Variants in OR1L8 observed in about 807,000 individuals in gnomAD.
OR1L8 encodes the protein olfactory receptor family 1 subfamily L member 8.
For synonymous variants in OR1L8, 148 were observed against 147.0 expected, an observed-to-expected ratio of 1.01 and a Z score of -0.05; for missense variants, 330 against 377.4, an observed-to-expected ratio of 0.87 and a Z score of 1.04.
At chr9:122,562,577 T>A (rs1456229507), downstream of OR1L8, among the ~76,000 whole-genome samples, 1 of 152,138 alleles carries the variant, frequency 6.6e-6, no homozygotes, top group Non-Finnish European at 1.5e-5. Flanking sequence ...TCCCCTGCCC[T>A]GTGTGGCTCT....
Position 122,568,287 on chromosome 9 carries a change from A to T in OR1L8, c.191T>A (p.Leu64Ter). 6.2e-7 allele frequency: 1 copy of T among 1,614,118 alleles called. No individual in the cohort carries two copies. Among genetic ancestry groups the T allele is most frequent in the Non-Finnish European group, 8.5e-7 (1 of 1,179,990 alleles). Residue 64 changes from leucine (L) to a stop codon, truncating the protein, a stop_gained, in exon 5 of 5, where the codon TTG becomes TAG. Transcript: ENST00000641027. LOFTEE classifies it low-confidence loss of function (END_TRUNC). The part of the protein sequence containing the change: ...PHLQTPMYFF[L>*]SFLSLTDICF... ...AATATCAGTGAGAGACAGAAAACTC[A>T]AGAAGAAATACATAGGGGTCTGAAG...
At chr9:122,566,573 T>C (rs1257528937), downstream of OR1L8, among the ~76,000 whole-genome samples, 2 of 152,212 alleles carry the variant, frequency 1.3e-5, no homozygotes, top group Non-Finnish European at 2.9e-5. Flanking sequence ...AGTTACACTT[T>C]ATGGAATTAG....
downstream of OR1L8, among the ~76,000 whole-genome samples, chr9:122,566,198 G>A (rs1301228808): frequency 1.3e-5 from 2 of 152,182 alleles, no homozygotes; most frequent in African/African-American, 2.4e-5. Context: ...TGCCAAAATC[G>A]TGTTTTTAGA....
At chr9:122,562,809 C>T (rs1396888765), downstream of OR1L8, among the ~76,000 whole-genome samples, 1 of 151,928 alleles carries the variant, frequency 6.6e-6, no homozygotes, top group South Asian at 2.1e-4. Context: ...AACATAATGT[C>T]GACTAGGTTC....
chr9:122,549,617 G>A, the OR1L8 span, among the ~76,000 whole-genome samples: 1 of 152,102 alleles, frequency 6.6e-6, no homozygotes, highest in African/African-American at 2.4e-5. Context: ...GTTGAATAGG[G>A]TGTCTTTTCC....
At chr9:122,563,261 G>T (rs1042920649), downstream of OR1L8, among the ~76,000 whole-genome samples, 2 of 150,934 alleles carry the variant, frequency 1.3e-5, no homozygotes, top group Admixed American at 1.3e-4. Context: ...TAAAAAGTTT[G>T]TTTTTATTTT....
At chr9:122,550,542 A>C in the OR1L8 span, among the ~76,000 whole-genome samples, 1 of 147,750 alleles carries the variant, frequency 6.8e-6, no homozygotes, top group Non-Finnish European at 1.5e-5. Flanking sequence ...CAAAAAGATA[A>C]TACACCATGA....
rs887610239 is a variant in OR1L8, at chr9:122,567,613, T to C, written c.865A>G (p.Ile289Val). 1 of 1,613,252 alleles carries C rather than the reference T, an allele frequency of 6.2e-7. No homozygotes were observed. The highest frequency in any genetic ancestry group is 8.5e-7 in the Non-Finnish European group (1 of 1,179,760). Residue 289 changes from isoleucine (I) to valine (V), a missense_variant, in exon 5 of 5, where the codon ATC becomes GTC. Transcript: ENST00000641027. ...TVLSSMLNPFIYSLRNKDLKQ... is the reference protein window; with the variant it reads ...TVLSSMLNPFVYSLRNKDLKQ... ...AGGTCTTTGTTTCTCAGGCTGTAGATAAAAGGATTGAGCATGGATGACAAA... is the reference window on the plus strand; with the variant it reads ...AGGTCTTTGTTTCTCAGGCTGTAGACAAAAGGATTGAGCATGGATGACAAA...
chr9:122,566,927 C>T (rs1829436902), downstream of OR1L8, among the ~76,000 whole-genome samples: 1 of 151,846 alleles, frequency 6.6e-6, no homozygotes, highest in Non-Finnish European at 1.5e-5. Flanking sequence ...TGACCATTAG[C>T]ATTTTTAAAT....
At chr9:122,570,929 C>T (rs932521971) in intron 4 of OR1L8, among the ~76,000 whole-genome samples, 1 of 152,140 alleles carries the variant, frequency 6.6e-6, no homozygotes, top group Non-Finnish European at 1.5e-5. Context: ...TTTTTACATA[C>T]AGGAGGCTTA....
At chr9:122,574,780 A>G (rs896012481) in intron 3 of OR1L8, among the ~76,000 whole-genome samples, 4 of 152,080 alleles carry the variant, frequency 2.6e-5, no homozygotes, top group African/African-American at 9.7e-5. Flanking sequence ...ATGTAATGGG[A>G]AAGCTCCTAG....
chr9:122,553,504 C>A, the OR1L8 span: 3 of 1,614,032 alleles, frequency 1.9e-6, no homozygotes, highest in Non-Finnish European at 2.5e-6. Flanking sequence ...ATCTCGTATT[C>A]TGGGTGTCTT....
At chr9:122,553,691 G>C in the OR1L8 span, 3 of 1,614,068 alleles carry the variant, frequency 1.9e-6, no homozygotes, top group Non-Finnish European at 2.5e-6. Context: ...GTCCTGCCCT[G>C]ATGCACACAC....
chr9:122,578,938 C>A (rs555107455), intron 1 of OR1L8, among the ~76,000 whole-genome samples: 7 of 151,134 alleles, frequency 4.6e-5, no homozygotes, highest in African/African-American at 1.7e-4. Context: ...TCCCCAAAAA[C>A]CTAAAATTAA....
the OR1L8 span, among the ~76,000 whole-genome samples, chr9:122,557,344 T>C: frequency 2.0e-5 from 3 of 152,244 alleles, no homozygotes; most frequent in African/African-American, 4.8e-5. Context: ...TTAAGTATGA[T>C]ATTAACTGTA....
At chr9:122,572,257 G>A (rs1023697392) in intron 4 of OR1L8, among the ~76,000 whole-genome samples, 2 of 152,174 alleles carry the variant, frequency 1.3e-5, no homozygotes, top group African/African-American at 4.8e-5. Context: ...ACATTTGGGC[G>A]GGGACACAGA....
chr9:122,552,942 T>C, the OR1L8 span, among the ~76,000 whole-genome samples: 2 of 152,252 alleles, frequency 1.3e-5, no homozygotes, highest in African/African-American at 2.4e-5. Flanking sequence ...GTCAAACAAA[T>C]CTCTTTTCTT....
In OR1L8 at chr9:122,567,784, T is replaced by G. The variant is rs1564199542; in HGVS notation, c.694A>C (p.Thr232Pro). The change falls in exon 5 of 5, where the codon ACT (threonine) becomes CCT (proline). Residue 232 changes from threonine (T) to proline (P), a missense_variant. Thr to Pro is a conservative substitution (Grantham distance 38). Coordinates refer to ENST00000641027, the MANE Select transcript of OR1L8 (RefSeq NM_001004454.2). ...GAGAAGGCTTTGCGTTTCCCAGAAG[T>G]AGAGGGAATCTTGAGAACTGTAGTG... ...ILTTVLKIPS[T>P]SGKRKAFSTC... is the part of the protein sequence containing the mutation. The G allele has an allele frequency of 1.2e-6, 2 of 1,613,900 alleles. No individual in the cohort carries two copies. The highest frequency in any genetic ancestry group is 2.7e-5 in the African/African-American group (2 of 74,978).
chr9:122,575,453 CCATT>C (rs759623274), intron 3 of OR1L8, among the ~76,000 whole-genome samples: 4 of 151,814 alleles, frequency 2.6e-5, no homozygotes, highest in Admixed American at 1.3e-4. Context: ...AAGAATTTGT[CCATT>C]CATTTAGGTT....
Sources: gnomAD v4.1 joint callset for allele counts (sites outside exome capture counted in the v4.1 genomes callset) on GRCh38, gnomAD v4.1.1 for gene constraint, MANE v1.5 for transcripts, NCBI Gene and HGNC (gene_info 2026-07-23, HGNC 2026-07-21) for gene names.